CNOT4: variants seen among roughly 807,000 people sequenced by gnomAD.
The protein encoded by CNOT4 is CCR4-NOT transcription complex subunit 4, also known as CCR4-associated factor 4.
A neutral mutation model predicts 73.8 loss-of-function variants in CNOT4; 8 were observed. The observed-to-expected ratio is 0.11, with a 90% confidence interval of 0.06 to 0.20. The LOEUF is 0.20. CNOT4 is among the 10% of genes least tolerant of loss of function. The pLI, the probability that CNOT4 is intolerant of heterozygous loss-of-function variation, is 1.00. For synonymous variants in CNOT4, 293 were observed against 321.1 expected, an observed-to-expected ratio of 0.91 and a Z score of 0.94; for missense variants, 564 against 883.4, an observed-to-expected ratio of 0.64 and a Z score of 4.58.
chr7:135,388,759 C>A (rs1796249398), intron 10 of CNOT4: 3 of 1,597,134 alleles, frequency 1.9e-6, no homozygotes, highest in Non-Finnish European at 2.6e-6. Context: ...CATGCAAGCA[C>A]CCCAGAGTCT....
chr7:135,388,982 A>T, intron 10 of CNOT4: 2 of 1,232,520 alleles, frequency 1.6e-6, no homozygotes, highest in Non-Finnish European at 2.3e-6. Flanking sequence ...TGGAATACTG[A>T]TACATATATA....
chr7:135,487,156 A>G (rs1486567700), intron 1 of CNOT4, among the ~76,000 whole-genome samples: 1 of 150,944 alleles, frequency 6.6e-6, no homozygotes, highest in East Asian at 1.9e-4. Flanking sequence ...AATTACAACC[A>G]TTTAAAAAAA....
intron 1 of CNOT4, among the ~76,000 whole-genome samples, chr7:135,488,185 T>A (rs1169380083): frequency 6.6e-6 from 1 of 152,220 alleles, no homozygotes; most frequent in Admixed American, 6.5e-5. Flanking sequence ...AAGTCTTTTT[T>A]TGAGCTCTGT....
chr7:135,422,006 T>C (rs1255359392), intron 3 of CNOT4, 150 bp downstream of exon 3: 6 of 589,928 alleles, frequency 1.0e-5, no homozygotes, highest in Admixed American at 3.0e-5. Context: ...ATTGGTTTCT[T>C]AGCAATTATT....
intron 6 of CNOT4, among the ~76,000 whole-genome samples, chr7:135,412,989 A>C (rs188813479): frequency 1.6e-4 from 25 of 152,198 alleles, no homozygotes; most frequent in Admixed American, 1.6e-3. Context: ...GGACACTTGC[A>C]TGGGGAGAAT....
chr7:135,459,021 C>T (rs1191923660), intron 1 of CNOT4, among the ~76,000 whole-genome samples: 1 of 152,002 alleles, frequency 6.6e-6, no homozygotes. Context: ...CTATCTACAG[C>T]AACTATAGCC....
At chr7:135,475,718 A>AGGCC (rs1459619883) in intron 1 of CNOT4, among the ~76,000 whole-genome samples, 2 of 152,112 alleles carry the variant, frequency 1.3e-5, no homozygotes, top group African/African-American at 4.8e-5. Flanking sequence ...GAGACCAGCC[A>AGGCC]GGCCAACATG....
chr7:135,403,233 T>C (rs1460289390), intron 7 of CNOT4, among the ~76,000 whole-genome samples: 1 of 152,224 alleles, frequency 6.6e-6, no homozygotes, highest in East Asian at 1.9e-4. Flanking sequence ...CTCCCACATA[T>C]ATTCATTTCA....
At chr7:135,495,876 A>G (rs1803541004) in intron 1 of CNOT4, among the ~76,000 whole-genome samples, 1 of 151,656 alleles carries the variant, frequency 6.6e-6, no homozygotes, top group South Asian at 2.1e-4. Context: ...CAAGGCTGCA[A>G]TAAGCTATGA....
chr7:135,404,769 G>A (rs971219404), intron 7 of CNOT4, among the ~76,000 whole-genome samples: 7 of 151,972 alleles, frequency 4.6e-5, no homozygotes, highest in South Asian at 2.1e-4. Context: ...AATAAAAATC[G>A]ATAAATTCCT....
chr7:135,376,995 G>A (rs1795556734), intron 10 of CNOT4, among the ~76,000 whole-genome samples: 1 of 152,134 alleles, frequency 6.6e-6, no homozygotes, highest in Admixed American at 6.5e-5. Flanking sequence ...AATGGAGATG[G>A]ATATAGTTAT....
rs2129482313 is a variant in CNOT4 at position 135,363,106 on chromosome 7, G to A, written c.1921C>T (p.Leu641Phe). 1 of 1,614,018 alleles carries A rather than the reference G, an allele frequency of 6.2e-7. No homozygotes were observed. Among genetic ancestry groups the A allele is most frequent in the East Asian group, 2.2e-5 (1 of 44,878 alleles). The change falls in exon 12 of 12, where the codon CTC becomes TTC. Residue 641 changes from leucine (L) to phenylalanine (F), a missense_variant. Transcript: ENST00000541284. The surrounding 1 kb of genome is among the most constrained non-coding windows in gnomAD (Gnocchi z 4.3). ...PPHWLKSLQALTEMDGPSAAP... is the reference protein window; with the variant it reads ...PPHWLKSLQAFTEMDGPSAAP... ...GCGCTGGGGCCGTCCATCTCTGTGA[G>A]GGCCTGAAGGGATTTTAGCCAGTGT...
At chr7:135,413,732 A>G in intron 5 of CNOT4, 119 bp from the exon 6 acceptor site, 1 of 876,894 alleles carries the variant, frequency 1.1e-6, no homozygotes, top group South Asian at 1.8e-5. Context: ...TGACAAAACA[A>G]AAAGTATGGC....
chr7:135,409,966 A>C (rs1282629602), intron 7 of CNOT4, among the ~76,000 whole-genome samples: 5 of 152,148 alleles, frequency 3.3e-5, no homozygotes, highest in Non-Finnish European at 7.4e-5. Context: ...TAGTTTACCC[A>C]AAACCATAAT....
intron 8 of CNOT4, among the ~76,000 whole-genome samples, chr7:135,397,237 A>G (rs908969230): frequency 6.6e-6 from 1 of 152,172 alleles, no homozygotes; most frequent in African/African-American, 2.4e-5. Context: ...AAAGGAGAGC[A>G]TGTGTATTTT....
intron 1 of CNOT4, among the ~76,000 whole-genome samples, chr7:135,460,175 C>G (rs140526852): frequency 3.0e-4 from 45 of 152,332 alleles, no homozygotes; most frequent in Non-Finnish European, 5.4e-4. Flanking sequence ...GCAGACGACT[C>G]AAACTTTCTC....
intron 10 of CNOT4, among the ~76,000 whole-genome samples, chr7:135,376,201 A>C (rs1186463975): frequency 6.6e-6 from 1 of 152,140 alleles, no homozygotes; most frequent in Non-Finnish European, 1.5e-5. Context: ...CACAAAACAC[A>C]TCCATGCTTT....
At chr7:135,446,826 AG>A (rs1421712242) in intron 1 of CNOT4, among the ~76,000 whole-genome samples, 2 of 152,086 alleles carry the variant, frequency 1.3e-5, no homozygotes, top group African/African-American at 2.4e-5. Flanking sequence ...GAAATCAAAA[AG>A]TGAAAAAGAT....
intron 10 of CNOT4, chr7:135,384,792 A>G (rs1796038871): frequency 5.3e-6 from 4 of 750,082 alleles, no homozygotes; most frequent in South Asian, 4.1e-5. Context: ...AAGATCTACC[A>G]CCCATCTAGT....
Sources: gnomAD v4.1 joint callset for allele counts (sites outside exome capture counted in the v4.1 genomes callset) on GRCh38, gnomAD v4.1.1 for gene constraint, Gnocchi (gnomAD v3.1) non-coding constraint, MANE v1.5 for transcripts, NCBI Gene and HGNC (gene_info 2026-07-23, HGNC 2026-07-21) for gene names.